Variants in PRPF38A observed in about 807,000 individuals in gnomAD.
The protein encoded by PRPF38A is pre-mRNA processing factor 38A.
In PRPF38A, 11 loss-of-function variants were observed where a neutral mutation model predicts 46.8. That is an observed-to-expected ratio of 0.24 (90% confidence interval 0.15 to 0.39). PRPF38A has a LOEUF of 0.39. Ranked by LOEUF, PRPF38A falls within the 10% of genes least tolerant of loss-of-function variation. The pLI is 1.00. For missense variants in PRPF38A, 261 were observed against 407.5 expected (o/e 0.64, Z 3.10); for synonymous variants, 124 against 136.2 (o/e 0.91, Z 0.62).
rs913179767 is a variant in PRPF38A at position 52,418,445 on chromosome 1, CTT to C, written c.*1757_*1758del. The C allele has an allele frequency of 3.0e-4, 45 of 152,164 alleles. No individual in the cohort carries two copies. Among genetic ancestry groups the C allele is most frequent in the African/African-American group, 9.2e-4 (38 of 41,432 alleles). The allele number at this position is 152,164 out of a possible 1,614,324, so 9.4% of individuals were successfully genotyped here. On this transcript the variant is annotated 3_prime_UTR_variant, in exon 10 of 10. Coordinates refer to ENST00000257181, the MANE Select transcript of PRPF38A (RefSeq NM_032864.4). The stretch of plus-strand genomic sequence containing the variant: ...CATCCAGTACACTCTTAAAATAAAA[CTT>C]TGTCTTAAAATATGTTTTAAAGTAA...
intron 4 of PRPF38A, 33 bp downstream of exon 4, chr1:52,411,233 CT>C: frequency 6.7e-7 from 1 of 1,495,892 alleles, no homozygotes. Context: ...CAGAGTCACC[CT>C]TCTCTTCCTA....
chr1:52,416,380 C>T (rs184968410), intron 9 of PRPF38A, among the ~76,000 whole-genome samples: 23 of 151,700 alleles, frequency 1.5e-4, no homozygotes, highest in Non-Finnish European at 2.6e-4. Flanking sequence ...CCAATCTCGG[C>T]TCACAGCAAC....
At chr1:52,415,454 TTTC>T (rs1648263660) in intron 9 of PRPF38A, 68 bp downstream of exon 9, 1 of 1,401,266 alleles carries the variant, frequency 7.1e-7, no homozygotes. Flanking sequence ...GACCTGAAAT[TTTC>T]TTGTTTTGTT....
At chr1:52,415,992 G>A (rs536985951) in intron 9 of PRPF38A, among the ~76,000 whole-genome samples, 7 of 151,692 alleles carry the variant, frequency 4.6e-5, no homozygotes, top group African/African-American at 1.7e-4. Context: ...ACAGGTGCCC[G>A]CCACCACCCT....
intron 2 of PRPF38A, among the ~76,000 whole-genome samples, chr1:52,407,102 C>T (rs772053326): frequency 2.0e-5 from 3 of 152,326 alleles, no homozygotes; most frequent in South Asian, 2.1e-4. Context: ...ACTGCAAGCT[C>T]GGCCTCCTGG....
chr1:52,415,440 AC>A (rs1207495159), intron 9 of PRPF38A, 54 bp downstream of exon 9: 1 of 1,461,590 alleles, frequency 6.8e-7, no homozygotes, highest in Non-Finnish European at 9.5e-7. Flanking sequence ...ATTACAACTA[AC>A]TGGACCTGAA....
At position 52,419,741 on chromosome 1, in the gene PRPF38A, G is replaced by A. The variant is rs964428377; in HGVS notation, c.*3051G>A. On this transcript the variant is annotated 3_prime_UTR_variant, in exon 10 of 10. Transcript: ENST00000257181. ...GGAAAAGAGAAATATGTAGAATAAAGAAATATTCTGATGGTTTAAAAAGAA... is the reference window on the plus strand; with the variant it reads ...GGAAAAGAGAAATATGTAGAATAAAAAAATATTCTGATGGTTTAAAAAGAA... The A allele has an allele frequency of 6.6e-6, 1 of 152,134 alleles. No homozygotes were observed. The highest frequency in any genetic ancestry group is 6.6e-5 in the Admixed American group (1 of 15,260). The allele number at this position is 152,134 out of a possible 1,614,324, so 9.4% of individuals were successfully genotyped here. A position where few individuals can be genotyped will look rare whatever the true frequency, so the allele number is the denominator to read the frequency against.
chr1:52,407,957 G>A (rs1212518940), intron 2 of PRPF38A, among the ~76,000 whole-genome samples: 2 of 152,280 alleles, frequency 1.3e-5, no homozygotes, highest in East Asian at 3.8e-4. Context: ...TTGGGAGGCT[G>A]AGGCAGGAGA....
At chr1:52,407,008 G>A (rs1648014374) in intron 2 of PRPF38A, among the ~76,000 whole-genome samples, 1 of 152,080 alleles carries the variant, frequency 6.6e-6, no homozygotes, top group Non-Finnish European at 1.5e-5. Context: ...TAGGAAAAAG[G>A]GAAGAGGAAC....
chr1:52,415,179 C>T (rs1286435392), intron 8 of PRPF38A, among the ~76,000 whole-genome samples, 159 bp from the exon 9 acceptor site: 3 of 152,150 alleles, frequency 2.0e-5, no homozygotes, highest in Non-Finnish European at 4.4e-5. Context: ...TTTCTTTGCT[C>T]CCTCTTCCTC....
Position 52,416,722 on chromosome 1 carries a change from T to G in PRPF38A, c.*32T>G. ...CAGTTTGGTTTTAGTCCACATGGCC[T>G]CCTGTGGATATAAGGATATCTGTAT... On this transcript the variant is annotated 3_prime_UTR_variant, in exon 10 of 10. Coordinates refer to ENST00000257181, the MANE Select transcript of PRPF38A (RefSeq NM_032864.4). The G allele has an allele frequency of 6.7e-7, 1 of 1,497,000 alleles. No individual in the cohort carries two copies. Among genetic ancestry groups the G allele is most frequent in the East Asian group, 2.3e-5 (1 of 44,380 alleles). 92.7% of individuals were successfully genotyped at this position (1,497,000 alleles called of 1,614,324 possible).
At chr1:52,411,319 A>G in intron 4 of PRPF38A, 119 bp downstream of exon 4, 2 of 670,004 alleles carry the variant, frequency 3.0e-6, no homozygotes, top group Non-Finnish European at 5.1e-6. Context: ...CTCTTAATGA[A>G]TAGTCTTCCT....
chr1:52,414,170 T>A (rs1415243562), intron 6 of PRPF38A, among the ~76,000 whole-genome samples, 179 bp downstream of exon 6: 1 of 152,232 alleles, frequency 6.6e-6, no homozygotes, highest in Non-Finnish European at 1.5e-5. Flanking sequence ...AACCATTTGT[T>A]CCTTTCACAA....
Position 52,419,466 on chromosome 1 carries a change from G to A in PRPF38A, c.*2776G>A. On this transcript the variant is annotated 3_prime_UTR_variant, in exon 10 of 10. Coordinates refer to ENST00000257181, the MANE Select transcript of PRPF38A (RefSeq NM_032864.4). ...ACCTCTTCCTGTTTGTTATTCTTCA[G>A]TAGACCGAAGTTTAAATAAGCATTA... 1 of 151,694 alleles carries A rather than the reference G, an allele frequency of 6.6e-6. No homozygotes were observed. Among genetic ancestry groups the A allele is most frequent in the East Asian group, 1.9e-4 (1 of 5,186 alleles). 9.4% of individuals were successfully genotyped at this position (151,694 alleles called of 1,614,324 possible). A position where few individuals can be genotyped will look rare whatever the true frequency, so the allele number is the denominator to read the frequency against.
intron 9 of PRPF38A, among the ~76,000 whole-genome samples, chr1:52,416,114 C>CA (rs993320736): frequency 2.0e-4 from 31 of 152,146 alleles, no homozygotes; most frequent in African/African-American, 7.5e-4. Context: ...GCTGGGATTA[C>CA]AGGCATGAGC....
chr1:52,416,990 C>CT lies in PRPF38A; in HGVS notation c.*305dup, dbSNP rs1648313092. 5.8e-6 allele frequency: 2 copies of CT among 344,474 alleles called. No individual in the cohort carries two copies. The highest frequency in any genetic ancestry group is 3.9e-5 in the Admixed American group (1 of 25,396). The allele number at this position is 344,474 out of a possible 1,614,324, so 21.3% of individuals were successfully genotyped here. A position where few individuals can be genotyped will look rare whatever the true frequency, so the allele number is the denominator to read the frequency against. ...CTGTGGCCACCTGATGACCCTTTCC[C>CT]TTTTTATTAAACCGGACACACCTGT... is the stretch of plus-strand genomic sequence containing the variant. On this transcript the variant is annotated 3_prime_UTR_variant, in exon 10 of 10. Coordinates refer to ENST00000257181, the MANE Select transcript of PRPF38A (RefSeq NM_032864.4).
At chr1:52,411,983 T>C (rs1376273592) in intron 4 of PRPF38A, among the ~76,000 whole-genome samples, 1 of 152,222 alleles carries the variant, frequency 6.6e-6, no homozygotes, top group East Asian at 1.9e-4. Context: ...CCACTACATT[T>C]AGCCATTTGG....
At chr1:52,405,371 C>G (rs1647949242) in intron 1 of PRPF38A, among the ~76,000 whole-genome samples, 1 of 152,192 alleles carries the variant, frequency 6.6e-6, no homozygotes, top group South Asian at 2.1e-4. Flanking sequence ...ATCTGTGGAC[C>G]TTGAGCAAGT....
Position 52,414,763 on chromosome 1 carries a change from C to A in PRPF38A, c.751C>A (p.Pro251Thr). 1 of 1,614,094 alleles carries A rather than the reference C, an allele frequency of 6.2e-7. No homozygotes were observed. Among genetic ancestry groups the A allele is most frequent in the Non-Finnish European group, 8.5e-7 (1 of 1,180,016 alleles). ...RRSRSPKRRS[P>T]SPRRERHRSK... ...TAGTCTGACCAGTCTTTTCTACAGC[C>A]CCTCCCCTCGCCGAGAAAGGCATCG... Residue 251 changes from proline to threonine, a missense_variant and splice_region_variant, in exon 8 of 10, where the codon CCC (proline) becomes ACC (threonine). Pro to Thr is a conservative substitution (Grantham distance 38). This residue lies in a region of PRPF38A where 180 missense variants were observed against 221.0 expected (regional missense o/e 0.81). Transcript: ENST00000257181.
Sources: allele counts gnomAD v4.1 joint callset (sites outside exome capture counted in the v4.1 genomes callset), GRCh38; gene constraint gnomAD v4.1.1; regional missense constraint gnomAD v4.1.1; transcripts MANE v1.5; gene names NCBI Gene and HGNC (gene_info 2026-07-23, HGNC 2026-07-21).